ZBTB16: variants seen among roughly 807,000 people sequenced by gnomAD.
ZBTB16 encodes zinc finger and BTB domain containing 16, also known as zinc finger and BTB domain-containing protein 16.
Under a neutral mutation model 56.8 loss-of-function variants are expected in ZBTB16, and 8 were observed. That is an observed-to-expected ratio of 0.14 (90% CI 0.08 to 0.25). The LOEUF (loss-of-function observed/expected upper bound fraction) is 0.25, where lower values mean the gene tolerates loss of function less well. Ranked by LOEUF, ZBTB16 falls within the 10% of genes least tolerant of loss-of-function variation. ZBTB16 has a pLI of 1.00. For missense variants in ZBTB16, 625 were observed against 903.0 expected, an observed-to-expected ratio of 0.69 and a Z score of 3.95; for synonymous variants, 363 against 368.5, an observed-to-expected ratio of 0.98 and a Z score of 0.17.
intron 2 of ZBTB16, among the ~76,000 whole-genome samples, chr11:114,076,547 C>T (rs548330024): frequency 1.2e-4 from 18 of 152,294 alleles, no homozygotes; most frequent in Admixed American, 1.1e-3. Context: ...AAAGTTAAAT[C>T]GTGACAGTTG....
chr11:114,072,186 G>A (rs549116100), intron 2 of ZBTB16, among the ~76,000 whole-genome samples: 43 of 152,358 alleles, frequency 2.8e-4, no homozygotes, highest in African/African-American at 9.1e-4. Flanking sequence ...CCGCATAGGC[G>A]TCAATCCGTA....
rs746367612 is a variant in ZBTB16 at position 114,104,669 on chromosome 11, A to G, written c.1268+40101A>G. On this transcript the variant is annotated intron_variant, in intron 2 of 6. Transcript: ENST00000335953. ...GAGATCCTGTGGCCTGGGAACCCAGAGGCCTGGGCCCTGGGAACAACTCAC... is the reference window on the plus strand; with the variant it reads ...GAGATCCTGTGGCCTGGGAACCCAGGGGCCTGGGCCCTGGGAACAACTCAC... 7.9e-5 allele frequency among the ~76,000 whole-genome samples: 12 copies of G among 152,222 alleles called. No individual in the cohort carries two copies. In the Middle Eastern group the frequency reaches 9.5e-3, roughly 120 times the overall value.
chr11:114,088,860 G>C (rs1940066729), intron 2 of ZBTB16, among the ~76,000 whole-genome samples: 1 of 152,228 alleles, frequency 6.6e-6, no homozygotes, highest in Admixed American at 6.5e-5. Context: ...ATTGTGGCAG[G>C]AATAGGCCAG....
At chr11:114,102,404 G>GT (rs901477984) in intron 2 of ZBTB16, among the ~76,000 whole-genome samples, 23 of 151,944 alleles carry the variant, frequency 1.5e-4, no homozygotes, top group African/African-American at 5.3e-4. Flanking sequence ...TCCTTGGTGA[G>GT]TTTTTTTTAC....
chr11:114,112,160 A>G (rs1252341300), intron 2 of ZBTB16, among the ~76,000 whole-genome samples: 1 of 152,196 alleles, frequency 6.6e-6, no homozygotes, highest in East Asian at 1.9e-4. Flanking sequence ...TTTTCCTTGC[A>G]CATTTGTTGG....
intron 3 of ZBTB16, among the ~76,000 whole-genome samples, chr11:114,184,511 G>C (rs1943320680): frequency 6.6e-6 from 1 of 152,218 alleles, no homozygotes. Flanking sequence ...CATCTTTGCA[G>C]ATGGAACCCC....
At chr11:114,133,132 TC>T (rs1941710368) in intron 2 of ZBTB16, among the ~76,000 whole-genome samples, 1 of 152,122 alleles carries the variant, frequency 6.6e-6, no homozygotes, top group Non-Finnish European at 1.5e-5. Context: ...TTGCTGCCTG[TC>T]CATCTCTCTA....
chr11:114,128,472 T>C (rs1040319686), intron 2 of ZBTB16, among the ~76,000 whole-genome samples: 2 of 152,196 alleles, frequency 1.3e-5, no homozygotes, highest in Non-Finnish European at 2.9e-5. Flanking sequence ...TGTAGGATCT[T>C]AGGCAAATTG....
chr11:114,070,857 G>A (rs1404778387), intron 2 of ZBTB16, among the ~76,000 whole-genome samples: 1 of 152,168 alleles, frequency 6.6e-6, no homozygotes, highest in Non-Finnish European at 1.5e-5. Flanking sequence ...TCCTTTTTAG[G>A]GGTGATGAAT....
chr11:114,185,766 C>T (rs983220392), intron 3 of ZBTB16, among the ~76,000 whole-genome samples: 3 of 152,184 alleles, frequency 2.0e-5, no homozygotes, highest in African/African-American at 7.2e-5. Context: ...AGACTTGTGA[C>T]AGCTGACCCC....
rs36194689 is a variant in ZBTB16, at chr11:114,148,469, C to CTCTCTCTT, written c.1269-7865_1269-7864insCTCTTTCT. Among the ~76,000 whole-genome samples, 7 of 60,970 alleles carry CTCTCTCTT rather than the reference C, an allele frequency of 1.1e-4. 1 individual carries two copies. The highest frequency in any genetic ancestry group is 3.3e-4 in the African/African-American group (6 of 18,410). 40.0% of individuals were successfully genotyped at this position (60,970 alleles called of 152,430 possible). A position where few individuals can be genotyped will look rare whatever the true frequency, so the allele number is the denominator to read the frequency against. ...TCTCTGTCTGTCTGTCTCTCTCTCT[C>CTCTCTCTT]TCTTTCTTTCTTTCTTTCTTTCTTT... is the stretch of plus-strand genomic sequence containing the variant. On this transcript the variant is annotated intron_variant, in intron 2 of 6. Coordinates refer to ENST00000335953, the MANE Select transcript of ZBTB16 (RefSeq NM_006006.6).
At chr11:114,153,637 C>G (rs1451444843) in intron 2 of ZBTB16, among the ~76,000 whole-genome samples, 1 of 152,176 alleles carries the variant, frequency 6.6e-6, no homozygotes, top group Non-Finnish European at 1.5e-5. Flanking sequence ...GGGATTGGGT[C>G]TAGAGGTTTG....
chr11:114,082,245 A>T (rs997783693), intron 2 of ZBTB16, among the ~76,000 whole-genome samples: 1 of 152,042 alleles, frequency 6.6e-6, no homozygotes, highest in Admixed American at 6.6e-5. Context: ...ACGCCACTGC[A>T]CTCCAGCCTG....
chr11:114,082,554 T>G (rs1186497296), intron 2 of ZBTB16, among the ~76,000 whole-genome samples: 1 of 152,208 alleles, frequency 6.6e-6, no homozygotes, highest in East Asian at 1.9e-4. Flanking sequence ...CATACTGATG[T>G]GACATCCACT....
Position 114,202,042 on chromosome 11 carries a change from G to C in ZBTB16, c.1453+15004G>C, listed in dbSNP as rs150392732. Among the ~76,000 whole-genome samples the C allele has an allele frequency of 9.0e-3, 1,377 of 152,340 alleles. 9 individuals carry two copies. The highest frequency in any genetic ancestry group is 0.017 in the Middle Eastern group (5 of 294). ...CTCAGCCACACTGGCAGGTGCCTCA[G>C]TTTCCCACTGTTAGAACAGATAAAT... On this transcript the variant is annotated intron_variant, in intron 4 of 6. Coordinates refer to ENST00000335953, the MANE Select transcript of ZBTB16 (RefSeq NM_006006.6).
intron 2 of ZBTB16, among the ~76,000 whole-genome samples, chr11:114,083,211 C>T (rs928142636): frequency 8.5e-5 from 13 of 152,200 alleles, no homozygotes; most frequent in Non-Finnish European, 1.0e-4. Context: ...TTTTGTTTTT[C>T]TCTTTTCTTT....
In ZBTB16 at chr11:114,149,516, G is replaced by T. The variant is rs78152179; in HGVS notation, c.1269-6821G>T. 2.0e-3 allele frequency among the ~76,000 whole-genome samples: 304 copies of T among 152,138 alleles called. 1 individual carries two copies. The highest frequency in any genetic ancestry group is 7.1e-3 in the African/African-American group (293 of 41,514). On this transcript the variant is annotated intron_variant, in intron 2 of 6. Coordinates refer to ENST00000335953, the MANE Select transcript of ZBTB16 (RefSeq NM_006006.6). ...ACTAGCACTCAGTTAGTTCTTGGTTGTTTTTCTTAATCTGTTGTTTGAAAT... is the reference window on the plus strand; with the variant it reads ...ACTAGCACTCAGTTAGTTCTTGGTTTTTTTTCTTAATCTGTTGTTTGAAAT...
chr11:114,133,487 G>A (rs939541059), intron 2 of ZBTB16, among the ~76,000 whole-genome samples: 16 of 152,200 alleles, frequency 1.1e-4, no homozygotes, highest in African/African-American at 3.6e-4. Flanking sequence ...AAAAGCAACA[G>A]GTGAGTTTGA....
Position 114,156,328 on chromosome 11 carries a change from C to T in ZBTB16, c.1269-9C>T. The T allele has an allele frequency of 1.2e-6, 2 of 1,614,108 alleles. No individual in the cohort carries two copies. The highest frequency in any genetic ancestry group is 1.7e-6 in the Non-Finnish European group (2 of 1,179,932). Reference sequence around the variant, plus strand: ...GCAGCAGCAACCTCTCTTTTCCTTTCCCTTACAGGAAGCTGCACAGTGGGA... The same window carrying T: ...GCAGCAGCAACCTCTCTTTTCCTTTTCCTTACAGGAAGCTGCACAGTGGGA... On this transcript the variant is annotated splice_polypyrimidine_tract_variant and intron_variant, in intron 2 of 6. Transcript: ENST00000335953.
Sources: allele counts gnomAD v4.1 joint callset (sites outside exome capture counted in the v4.1 genomes callset), GRCh38; gene constraint gnomAD v4.1.1; transcripts MANE v1.5; gene names NCBI Gene and HGNC (gene_info 2026-07-23, HGNC 2026-07-21).